ANO4: variants seen among roughly 807,000 people sequenced by gnomAD.
ANO4 encodes anoctamin 4.
A neutral mutation model predicts 141.9 loss-of-function variants in ANO4; 69 were observed. That is an observed-to-expected ratio of 0.49 (90% CI 0.40 to 0.59). ANO4 has a LOEUF of 0.59. ANO4 is among the 20% of genes least tolerant of loss of function. The pLI, the probability that ANO4 is intolerant of heterozygous loss-of-function variation, is 0.00. For synonymous variants in ANO4, 350 were observed against 394.3 expected, an observed-to-expected ratio of 0.89 and a Z score of 1.33; for missense variants, 894 against 1,162.2, an observed-to-expected ratio of 0.77 and a Z score of 3.36.
chr12:100,926,843 G>GCCAGGCTT, intron 3 of ANO4, among the ~76,000 whole-genome samples: 1 of 152,126 alleles, frequency 6.6e-6, no homozygotes, highest in East Asian at 1.9e-4. Context: ...TGTAGAGGGA[G>GCCAGGCTT]CCAGGCTTCT....
chr12:100,746,626 A>G (rs538518236), intron 3 of ANO4, among the ~76,000 whole-genome samples: 1 of 152,322 alleles, frequency 6.6e-6, no homozygotes, highest in Non-Finnish European at 1.5e-5. Context: ...ACTTGGCAGG[A>G]GGTATCACAG....
intron 1 of ANO4, among the ~76,000 whole-genome samples, chr12:100,733,588 G>A (rs1056782844): frequency 2.0e-5 from 3 of 152,128 alleles, no homozygotes; most frequent in African/African-American, 7.2e-5. Flanking sequence ...TGTTCTAAGT[G>A]CCCATCCCAG....
At chr12:100,845,203 G>A (rs1434405049) in intron 1 of ANO4, among the ~76,000 whole-genome samples, 2 of 152,118 alleles carry the variant, frequency 1.3e-5, no homozygotes, top group Non-Finnish European at 2.9e-5. Context: ...TGAATGGGAC[G>A]TGAGGAAGCA....
intron 7 of ANO4, among the ~76,000 whole-genome samples, chr12:100,985,437 G>A (rs1592928439): frequency 6.6e-6 from 1 of 152,108 alleles, no homozygotes; most frequent in Non-Finnish European, 1.5e-5. Flanking sequence ...ACAACTCTAC[G>A]AATTGGGTAT....
intron 5 of ANO4, among the ~76,000 whole-genome samples, chr12:100,959,718 C>T (rs535016340): frequency 6.6e-6 from 1 of 152,272 alleles, no homozygotes; most frequent in East Asian, 1.9e-4. Context: ...TCATGCTTTC[C>T]TGGATTGCTT....
chr12:101,034,240 A>C (rs1308642269), intron 9 of ANO4, among the ~76,000 whole-genome samples: 2 of 152,234 alleles, frequency 1.3e-5, no homozygotes, highest in Admixed American at 6.5e-5. Flanking sequence ...AACCTACTCA[A>C]ATGCCCATCA....
intron 8 of ANO4, among the ~76,000 whole-genome samples, chr12:100,991,968 C>T (rs913634227): frequency 2.6e-5 from 4 of 152,148 alleles, no homozygotes; most frequent in African/African-American, 9.7e-5. Flanking sequence ...TAATATTTGT[C>T]CAGTTGCTGA....
At chr12:100,969,690 C>G (rs1055792596) in intron 5 of ANO4, among the ~76,000 whole-genome samples, 3 of 148,378 alleles carry the variant, frequency 2.0e-5, no homozygotes, top group Admixed American at 6.7e-5. Context: ...GCAAAAACAA[C>G]AAGAAGAAAC....
chr12:100,924,348 A>G lies in ANO4; in HGVS notation c.160+2018A>G, dbSNP rs567235122. ...TTACCTCCACCTTACAGATGGAACA[A>G]CTGAGGGTGGAAGAAATTAAATGAC... On this transcript the variant is annotated intron_variant, in intron 3 of 27. Coordinates refer to ENST00000392977, the MANE Select transcript of ANO4 (RefSeq NM_001286615.2). 5.3e-5 allele frequency among the ~76,000 whole-genome samples: 8 copies of G among 152,246 alleles called. No homozygotes were observed. In the South Asian group the frequency reaches 1.7e-3, roughly 32 times the overall value.
chr12:100,721,413 TGGA>T (rs748051478), intron 1 of ANO4, among the ~76,000 whole-genome samples: 1 of 152,100 alleles, frequency 6.6e-6, no homozygotes, highest in Admixed American at 6.5e-5. Flanking sequence ...AACAGTTTCC[TGGA>T]GGAGGAGATT....
chr12:100,864,281 G>A (rs1430329233), intron 1 of ANO4, among the ~76,000 whole-genome samples: 3 of 152,094 alleles, frequency 2.0e-5, no homozygotes, highest in Admixed American at 6.6e-5. Flanking sequence ...TTTGGAGCTG[G>A]GTATGGGGTA....
intron 5 of ANO4, among the ~76,000 whole-genome samples, chr12:100,958,011 A>T (rs2043245260): frequency 6.6e-6 from 1 of 152,042 alleles, no homozygotes; most frequent in African/African-American, 2.4e-5. Context: ...AGCCACAACC[A>T]TTTTTTTAAA....
chr12:100,921,139 T>C (rs1300065067), intron 2 of ANO4, among the ~76,000 whole-genome samples: 7 of 152,154 alleles, frequency 4.6e-5, no homozygotes, highest in Admixed American at 4.6e-4. Context: ...GAATCTACTT[T>C]GTTGAGAATC....
chr12:101,086,209 G>A (rs1246504908), intron 16 of ANO4, among the ~76,000 whole-genome samples: 1 of 151,878 alleles, frequency 6.6e-6, no homozygotes. Context: ...TTGATGTAAT[G>A]AGAGAAGCTG....
chr12:100,969,271 C>T (rs2043817424), intron 5 of ANO4, among the ~76,000 whole-genome samples: 1 of 152,184 alleles, frequency 6.6e-6, no homozygotes, highest in Admixed American at 6.5e-5. Context: ...AGAAATATTC[C>T]TTGTTCTCAG....
intron 5 of ANO4, among the ~76,000 whole-genome samples, chr12:100,944,642 C>A (rs2042650578): frequency 6.6e-6 from 1 of 152,144 alleles, no homozygotes; most frequent in African/African-American, 2.4e-5. Context: ...TGGCTCGAGT[C>A]TTGCCCTGAC....
chr12:101,001,012 A>G (rs1259036080), intron 8 of ANO4, among the ~76,000 whole-genome samples: 1 of 152,242 alleles, frequency 6.6e-6, no homozygotes, highest in East Asian at 1.9e-4. Flanking sequence ...ATAGAAAAAT[A>G]TATACAATAT....
rs115711289 is a variant in ANO4, at chr12:100,833,807, T to C, written c.-141+38780T>C. Among the ~76,000 whole-genome samples, 195 of 152,266 alleles carry C rather than the reference T, an allele frequency of 1.3e-3. 1 individual carries two copies. The highest frequency in any genetic ancestry group is 4.5e-3 in the African/African-American group (187 of 41,574). ...CCCATCCAGATGATCCTGTTCATTA[T>C]TCAAAGACTAGATCTGATCACTTCT... On this transcript the variant is annotated intron_variant, in intron 1 of 27. Transcript: ENST00000392977.
intron 13 of ANO4, among the ~76,000 whole-genome samples, chr12:101,047,689 G>T (rs11609397): frequency 0.14 from 21,816 of 151,942 alleles, 1,740 homozygotes; most frequent in Non-Finnish European, 0.17. Flanking sequence ...CAGTAAAAAT[G>T]GATATTTTTG....
Sources: gnomAD v4.1 joint callset for allele counts (sites outside exome capture counted in the v4.1 genomes callset) on GRCh38, gnomAD v4.1.1 for gene constraint, MANE v1.5 for transcripts, NCBI Gene and HGNC (gene_info 2026-07-23, HGNC 2026-07-21) for gene names.